Variants in DLG2 observed in about 807,000 individuals in gnomAD.
DLG2 encodes discs large MAGUK scaffold protein 2, also known as disks large homolog 2.
A neutral mutation model predicts 132.5 loss-of-function variants in DLG2; 45 were observed. That is an observed-to-expected ratio of 0.34 (90% confidence interval 0.27 to 0.44). The LOEUF (loss-of-function observed/expected upper bound fraction) is 0.44, where lower values mean the gene tolerates loss of function less well. Among genes scored for constraint, DLG2 ranks in the 20% least tolerant of loss-of-function variants. The pLI is 1.00. For synonymous variants in DLG2, 424 were observed against 419.6 expected, an observed-to-expected ratio of 1.01 and a Z score of -0.13; for missense variants, 1,045 against 1,196.9, an observed-to-expected ratio of 0.87 and a Z score of 1.87.
At chr11:84,058,033 G>A (rs1002495363) in intron 11 of DLG2, among the ~76,000 whole-genome samples, 1 of 152,068 alleles carries the variant, frequency 6.6e-6, no homozygotes, top group East Asian at 1.9e-4. Context: ...AATAATGAGG[G>A]AGCAGGCCCA....
chr11:84,644,788 CTAA>C (rs1023855905), intron 6 of DLG2, among the ~76,000 whole-genome samples: 3 of 150,704 alleles, frequency 2.0e-5, no homozygotes, highest in Non-Finnish European at 4.4e-5. Context: ...GTGTGGGAAA[CTAA>C]TAATTCCTGT....
chr11:84,091,260 C>T (rs1274266369), intron 10 of DLG2, among the ~76,000 whole-genome samples: 3 of 152,214 alleles, frequency 2.0e-5, no homozygotes, highest in African/African-American at 7.2e-5. Flanking sequence ...ATGTGCTCTT[C>T]TTGCCTTGCC....
chr11:83,667,954 C>G (rs1312799830), intron 18 of DLG2, among the ~76,000 whole-genome samples: 62 of 105,748 alleles, frequency 5.9e-4, no homozygotes, highest in African/African-American at 1.8e-3. Flanking sequence ...CCAGCCCGGG[C>G]GACAGAGTGA....
chr11:84,534,309 T>C (rs909576209), intron 7 of DLG2, among the ~76,000 whole-genome samples: 1 of 152,212 alleles, frequency 6.6e-6, no homozygotes, highest in Non-Finnish European at 1.5e-5. Context: ...ATTTTCCCTT[T>C]CAGTGTTTCA....
chr11:85,509,480 C>A (rs762105321), intron 3 of DLG2, among the ~76,000 whole-genome samples: 1 of 151,952 alleles, frequency 6.6e-6, no homozygotes, highest in Non-Finnish European at 1.5e-5. Context: ...GCAACCAGGA[C>A]GGTGGAGGGC....
At chr11:84,351,635 C>T (rs2098572904) in intron 7 of DLG2, among the ~76,000 whole-genome samples, 1 of 152,132 alleles carries the variant, frequency 6.6e-6, no homozygotes, top group African/African-American at 2.4e-5. Context: ...GTGGATACTC[C>T]ATAAGTCTGG....
chr11:84,631,016 TCTCACACACACA>T (rs1432916311), intron 6 of DLG2, among the ~76,000 whole-genome samples: 186 of 122,538 alleles, frequency 1.5e-3, no homozygotes, highest in African/African-American at 6.6e-3. Flanking sequence ...TCTCTCTCTC[TCTCACACACACA>T]CACACACACA....
chr11:84,711,305 G>C (rs979533769), intron 6 of DLG2, among the ~76,000 whole-genome samples: 1 of 137,214 alleles, frequency 7.3e-6, no homozygotes, highest in Non-Finnish European at 1.5e-5. Flanking sequence ...CATTATTCAG[G>C]GTTCTCCAAA....
At chr11:85,545,569 GCTCCTCCTTGTACCT>G (rs2076259429) in intron 3 of DLG2, among the ~76,000 whole-genome samples, 1 of 152,150 alleles carries the variant, frequency 6.6e-6, no homozygotes, top group Non-Finnish European at 1.5e-5. Flanking sequence ...AATGGTACCA[GCTCCTCCTTGTACCT>G]CTGGTAGAAT....
chr11:85,282,323 A>G (rs2078282940), intron 4 of DLG2, among the ~76,000 whole-genome samples: 1 of 151,944 alleles, frequency 6.6e-6, no homozygotes, highest in Non-Finnish European at 1.5e-5. Flanking sequence ...TTAATAATAT[A>G]TTGTATATTT....
At chr11:84,962,771 T>C (rs2052770249) in intron 6 of DLG2, among the ~76,000 whole-genome samples, 1 of 152,238 alleles carries the variant, frequency 6.6e-6, no homozygotes, top group African/African-American at 2.4e-5. Context: ...GTAGTAGTGA[T>C]AAGTTGAAAG....
intron 6 of DLG2, among the ~76,000 whole-genome samples, chr11:84,858,667 A>G (rs1254308677): frequency 1.3e-5 from 2 of 152,096 alleles, no homozygotes; most frequent in Non-Finnish European, 2.9e-5. Context: ...TGTGAATTAG[A>G]CAAGTACTCA....
intron 9 of DLG2, among the ~76,000 whole-genome samples, chr11:84,114,708 T>C (rs1364991908): frequency 6.6e-6 from 1 of 152,152 alleles, no homozygotes; most frequent in Non-Finnish European, 1.5e-5. Flanking sequence ...TTTCTTTTTT[T>C]CTTTTTGTTT....
At chr11:85,442,191 A>G (rs1248672686) in intron 3 of DLG2, among the ~76,000 whole-genome samples, 1 of 152,212 alleles carries the variant, frequency 6.6e-6, no homozygotes, top group Non-Finnish European at 1.5e-5. Context: ...GTAGAATGCC[A>G]TTTAAAACAG....
At chr11:84,501,362 C>T (rs1037767719) in intron 7 of DLG2, among the ~76,000 whole-genome samples, 2 of 152,126 alleles carry the variant, frequency 1.3e-5, no homozygotes, top group Non-Finnish European at 2.9e-5. Flanking sequence ...GTCAGTAGTT[C>T]GAGACCAGCC....
intron 6 of DLG2, among the ~76,000 whole-genome samples, chr11:85,010,074 CA>C (rs1566639611): frequency 6.6e-6 from 1 of 151,874 alleles, no homozygotes; most frequent in Admixed American, 6.6e-5. Flanking sequence ...TACCTATAGT[CA>C]AAAAAATTCA....
chr11:85,378,624 T>A (rs1474186049), intron 3 of DLG2, among the ~76,000 whole-genome samples: 1 of 152,094 alleles, frequency 6.6e-6, no homozygotes, highest in African/African-American at 2.4e-5. Flanking sequence ...ATCTAACTGA[T>A]TTTTATACAA....
intron 4 of DLG2, among the ~76,000 whole-genome samples, chr11:85,233,830 G>A (rs2075435218): frequency 6.6e-6 from 1 of 151,260 alleles, no homozygotes; most frequent in Non-Finnish European, 1.5e-5. Context: ...TTTTGCTCCT[G>A]CAATTAGGTA....
chr11:84,219,982 G>A (rs1202976678), intron 8 of DLG2, among the ~76,000 whole-genome samples: 1 of 152,118 alleles, frequency 6.6e-6, no homozygotes, highest in Non-Finnish European at 1.5e-5. Context: ...ATCTCACATT[G>A]TTCCACCTGT....
Sources: gnomAD v4.1 joint callset for allele counts (sites outside exome capture counted in the v4.1 genomes callset) on GRCh38, gnomAD v4.1.1 for gene constraint, MANE v1.5 for transcripts, NCBI Gene and HGNC (gene_info 2026-07-23, HGNC 2026-07-21) for gene names.